ANKS1B: variants seen among roughly 807,000 people sequenced by gnomAD.
ANKS1B encodes ankyrin repeat and sterile alpha motif domain containing 1B.
Under a neutral mutation model 148.3 loss-of-function variants are expected in ANKS1B, and 36 were observed. That is an observed-to-expected ratio of 0.24 (90% CI 0.19 to 0.32). The LOEUF (loss-of-function observed/expected upper bound fraction) is 0.32, where lower values mean the gene tolerates loss of function less well. Among genes scored for constraint, ANKS1B ranks in the 10% least tolerant of loss-of-function variants. ANKS1B has a pLI of 1.00. For missense variants in ANKS1B, 1,157 were observed against 1,542.6 expected (o/e 0.75, Z 4.19); for synonymous variants, 542 against 560.8 (o/e 0.97, Z 0.47).
intron 12 of ANKS1B, among the ~76,000 whole-genome samples, chr12:99,385,294 C>A (rs955778303): frequency 1.3e-5 from 2 of 152,098 alleles, no homozygotes; most frequent in Non-Finnish European, 2.9e-5. Context: ...CATGGCAAAA[C>A]CCCATCTCTA....
chr12:99,369,371 C>G (rs2092956097), intron 12 of ANKS1B, among the ~76,000 whole-genome samples: 1 of 152,082 alleles, frequency 6.6e-6, no homozygotes, highest in Non-Finnish European at 1.5e-5. Context: ...CAATTGTCAT[C>G]ATCTCAACAA....
At chr12:99,052,048 A>C (rs1024012190) in intron 17 of ANKS1B, among the ~76,000 whole-genome samples, 1 of 152,234 alleles carries the variant, frequency 6.6e-6, no homozygotes, top group Non-Finnish European at 1.5e-5. Context: ...AACTAAAACT[A>C]TTCTTTAAAA....
chr12:99,827,519 G>A (rs1025180559), intron 1 of ANKS1B, among the ~76,000 whole-genome samples: 1 of 152,128 alleles, frequency 6.6e-6, no homozygotes, highest in Non-Finnish European at 1.5e-5. Context: ...TCAGCTACGT[G>A]AGTAGATTTT....
chr12:99,732,434 C>T (rs1309537363), intron 8 of ANKS1B, among the ~76,000 whole-genome samples: 1 of 152,004 alleles, frequency 6.6e-6, no homozygotes, highest in Non-Finnish European at 1.5e-5. Context: ...GTAGTATAGC[C>T]TTACAATAAA....
At chr12:99,414,451 G>A (rs1207055414) in intron 11 of ANKS1B, among the ~76,000 whole-genome samples, 1 of 152,104 alleles carries the variant, frequency 6.6e-6, no homozygotes, top group African/African-American at 2.4e-5. Context: ...ATCAATAATA[G>A]ACTGGATAAA....
intron 15 of ANKS1B, among the ~76,000 whole-genome samples, chr12:99,139,673 TTGCTATTTGCTGTTAAGTA>T (rs1052994250): frequency 3.3e-5 from 5 of 151,642 alleles, no homozygotes; most frequent in Non-Finnish European, 7.4e-5. Context: ...TGAATGTGAT[TTGCTATTTGCTGTTAAGTA>T]TGCTAGTCTT....
intron 1 of ANKS1B, among the ~76,000 whole-genome samples, chr12:99,831,798 G>A (rs868709997): frequency 2.7e-4 from 41 of 151,876 alleles, no homozygotes; most frequent in Admixed American, 2.0e-3. Context: ...TAGAGAGGAC[G>A]CAATTCTTCT....
At chr12:99,504,151 T>C (rs2096683304) in intron 10 of ANKS1B, among the ~76,000 whole-genome samples, 1 of 152,144 alleles carries the variant, frequency 6.6e-6, no homozygotes, top group Non-Finnish European at 1.5e-5. Flanking sequence ...GATACAAAAA[T>C]TGCTACCAAT....
intron 14 of ANKS1B, among the ~76,000 whole-genome samples, chr12:99,219,605 A>G (rs2084772327): frequency 6.6e-6 from 1 of 152,202 alleles, no homozygotes; most frequent in South Asian, 2.1e-4. Context: ...CAAAGGTTAC[A>G]GGCTTTTGTG....
intron 8 of ANKS1B, among the ~76,000 whole-genome samples, chr12:99,704,424 A>G (rs1037118419): frequency 7.2e-5 from 11 of 152,154 alleles, no homozygotes; most frequent in African/African-American, 2.7e-4. Flanking sequence ...AGACACTTCA[A>G]CATTTCTAGA....
At chr12:99,038,558 C>T (rs1213149395) in intron 17 of ANKS1B, among the ~76,000 whole-genome samples, 1 of 152,198 alleles carries the variant, frequency 6.6e-6, no homozygotes, top group Non-Finnish European at 1.5e-5. Flanking sequence ...CCATATCTCT[C>T]TCCTGTTTAA....
In ANKS1B at chr12:98,745,387, T is replaced by C; in HGVS notation, c.*352A>G. ...GAGATCCCCTTTACTTTTTTTTTTT[T>C]TTTTTTTTTTTTAAAGAAAAGGTAT... is the stretch of plus-strand genomic sequence containing the variant. On this transcript the variant is annotated 3_prime_UTR_variant, in exon 27 of 27. Transcript: ENST00000683438. 1 of 987,304 alleles carries C rather than the reference T, an allele frequency of 1.0e-6. No homozygotes were observed. Among genetic ancestry groups the C allele is most frequent in the Non-Finnish European group, 1.2e-6 (1 of 831,322 alleles). 61.2% of individuals were successfully genotyped at this position (987,304 alleles called of 1,614,324 possible).
At chr12:99,390,756 G>A (rs369718772) in intron 12 of ANKS1B, among the ~76,000 whole-genome samples, 12 of 152,244 alleles carry the variant, frequency 7.9e-5, no homozygotes, top group Admixed American at 4.6e-4. Context: ...CCTAAATTAC[G>A]AATGAGACCC....
intron 17 of ANKS1B, among the ~76,000 whole-genome samples, chr12:98,998,351 C>T (rs1428652937): frequency 6.6e-6 from 1 of 152,040 alleles, no homozygotes; most frequent in Non-Finnish European, 1.5e-5. Context: ...TATTCTAAAC[C>T]ATAAGACATT....
chr12:98,995,259 A>C (rs2099928820), intron 17 of ANKS1B, among the ~76,000 whole-genome samples: 2 of 152,174 alleles, frequency 1.3e-5, no homozygotes, highest in South Asian at 4.1e-4. Context: ...AATTATTACA[A>C]GCAACCTATG....
chr12:99,672,519 G>A (rs2098542835), intron 8 of ANKS1B, among the ~76,000 whole-genome samples: 1 of 152,086 alleles, frequency 6.6e-6, no homozygotes. Flanking sequence ...ACCTCTTCCT[G>A]TGGCAGCCTG....
chr12:98,764,006 C>T (rs2098447754), intron 25 of ANKS1B, among the ~76,000 whole-genome samples: 1 of 152,210 alleles, frequency 6.6e-6, no homozygotes, highest in Non-Finnish European at 1.5e-5. Flanking sequence ...CACTGGTCAC[C>T]TGTCTTCATG....
intron 6 of ANKS1B, among the ~76,000 whole-genome samples, chr12:99,777,513 G>A (rs2063769624): frequency 6.6e-6 from 1 of 152,192 alleles, no homozygotes; most frequent in Non-Finnish European, 1.5e-5. Flanking sequence ...TCTAGTGGGT[G>A]ACATTTATTT....
intron 9 of ANKS1B, among the ~76,000 whole-genome samples, chr12:99,508,158 T>A (rs1309540890): frequency 6.6e-6 from 1 of 151,942 alleles, no homozygotes; most frequent in Non-Finnish European, 1.5e-5. Context: ...TTCAGTGTGG[T>A]ACAGGAGCTC....
Sources: allele counts gnomAD v4.1 joint callset (sites outside exome capture counted in the v4.1 genomes callset), GRCh38; gene constraint gnomAD v4.1.1; transcripts MANE v1.5; gene names NCBI Gene and HGNC (gene_info 2026-07-23, HGNC 2026-07-21).